The following MEIS2 variants were observed in gnomAD, a reference collection of about 807,000 sequenced individuals.
MEIS2 encodes the protein Meis homeobox 2, also known as homeobox protein Meis2.
MEIS2 carries 9 observed loss-of-function variants against 58.6 expected under a neutral mutation model. The ratio of observed to expected loss-of-function variants is 0.15; its 90% CI spans 0.09 to 0.27. The LOEUF is 0.27. MEIS2 is among the 10% of genes least tolerant of loss of function. The pLI is 1.00. For synonymous variants in MEIS2, 221 were observed against 228.4 expected, an observed-to-expected ratio of 0.97 and a Z score of 0.29; for missense variants, 427 against 635.0, an observed-to-expected ratio of 0.67 and a Z score of 3.52.
At chr15:36,945,792 A>G (rs2058543962) in intron 9 of MEIS2, among the ~76,000 whole-genome samples, 1 of 152,018 alleles carries the variant, frequency 6.6e-6, no homozygotes, top group African/African-American at 2.4e-5. Flanking sequence ...GCCATTATAC[A>G]AAGGAACTCT....
intron 8 of MEIS2, among the ~76,000 whole-genome samples, chr15:37,028,213 C>A (rs1323010998): frequency 6.6e-6 from 1 of 152,174 alleles, no homozygotes. Flanking sequence ...TTTGAAATAT[C>A]TTGAAACGTC....
Position 36,969,763 on chromosome 15 carries a change from C to T in MEIS2, c.901-19363G>A, listed in dbSNP as rs990213822. On this transcript the variant is annotated intron_variant, in intron 8 of 11. Transcript: ENST00000561208. Reference sequence around the variant, plus strand: ...AAATTAGTATGTTTGCATTCTCAGTCAAGAAGACTCATGTCTGCTCCTTGT... The same window carrying T: ...AAATTAGTATGTTTGCATTCTCAGTTAAGAAGACTCATGTCTGCTCCTTGT... 2.0e-5 allele frequency among the ~76,000 whole-genome samples: 3 copies of T among 152,308 alleles called. No individual in the cohort carries two copies. The East Asian group carries it at 5.8e-4, about 29-fold the overall frequency.
chr15:36,954,098 TGA>T (rs2058862366), intron 8 of MEIS2, among the ~76,000 whole-genome samples: 2 of 152,094 alleles, frequency 1.3e-5, no homozygotes, highest in African/African-American at 4.8e-5. Context: ...GTACAATGAA[TGA>T]AAAAGCTAGT....
At chr15:37,006,489 T>C (rs1159604415) in intron 8 of MEIS2, among the ~76,000 whole-genome samples, 1 of 152,254 alleles carries the variant, frequency 6.6e-6, no homozygotes, top group African/African-American at 2.4e-5. Flanking sequence ...ATCCATGGTC[T>C]ATAAACTATA....
chr15:37,056,516 C>T (rs544080762), intron 7 of MEIS2, among the ~76,000 whole-genome samples: 1 of 152,238 alleles, frequency 6.6e-6, no homozygotes, highest in East Asian at 1.9e-4. Flanking sequence ...AACAAGTCAG[C>T]CACCAGGACG....
intron 8 of MEIS2, among the ~76,000 whole-genome samples, chr15:36,980,264 A>G (rs746856754): frequency 6.6e-6 from 1 of 152,158 alleles, no homozygotes; most frequent in African/African-American, 2.4e-5. Context: ...ATAGTTATAT[A>G]TATCTGTGTT....
intron 9 of MEIS2, among the ~76,000 whole-genome samples, chr15:36,939,253 C>T (rs993663719): frequency 2.6e-5 from 4 of 152,130 alleles, no homozygotes; most frequent in Admixed American, 6.5e-5. Flanking sequence ...TTCAACCCAA[C>T]GAAAAGTTAT....
chr15:37,056,462 A>C (rs557681611), intron 7 of MEIS2, among the ~76,000 whole-genome samples: 1 of 152,336 alleles, frequency 6.6e-6, no homozygotes, highest in East Asian at 1.9e-4. Context: ...CAGAAAGAAA[A>C]GATTAAATTG....
intron 8 of MEIS2, among the ~76,000 whole-genome samples, chr15:37,012,559 A>G (rs1380941027): frequency 6.6e-6 from 1 of 152,174 alleles, no homozygotes. Context: ...CCTATTTTGC[A>G]TAGGTTCTAC....
chr15:37,048,475 C>T (rs1007273338), intron 7 of MEIS2, among the ~76,000 whole-genome samples: 1 of 151,962 alleles, frequency 6.6e-6, no homozygotes, highest in Non-Finnish European at 1.5e-5. Flanking sequence ...TAAGACAATA[C>T]ATTTTTATAA....
At chr15:37,090,726 G>T (rs979471490) in intron 6 of MEIS2, among the ~76,000 whole-genome samples, 2 of 152,072 alleles carry the variant, frequency 1.3e-5, no homozygotes, top group African/African-American at 2.4e-5. Context: ...AAGAGTAGAG[G>T]TGTATGTGTT....
chr15:36,949,292 A>T (rs2058675988), intron 9 of MEIS2, among the ~76,000 whole-genome samples: 1 of 152,020 alleles, frequency 6.6e-6, no homozygotes. Flanking sequence ...TGAGAAAAAA[A>T]TGAATCACAG....
intron 6 of MEIS2, among the ~76,000 whole-genome samples, chr15:37,084,859 G>T (rs1024205380): frequency 6.6e-6 from 1 of 152,126 alleles, no homozygotes; most frequent in South Asian, 2.1e-4. Context: ...TGGCAGAAAC[G>T]GAGAGGAGGA....
At chr15:36,966,463 C>T (rs571374497) in intron 8 of MEIS2, among the ~76,000 whole-genome samples, 28 of 152,228 alleles carry the variant, frequency 1.8e-4, no homozygotes, top group South Asian at 6.2e-4. Context: ...TGGAATCAGA[C>T]GGTCCTGGCT....
intron 9 of MEIS2, among the ~76,000 whole-genome samples, chr15:36,944,013 C>A (rs1054992184): frequency 1.2e-4 from 18 of 152,054 alleles, no homozygotes; most frequent in African/African-American, 4.3e-4. Flanking sequence ...GGTCTGACAC[C>A]GCAATGGATT....
chr15:37,042,846 T>C lies in MEIS2; in HGVS notation c.755-5887A>G, dbSNP rs187568276. On this transcript the variant is annotated intron_variant, in intron 7 of 11. Transcript: ENST00000561208. Reference sequence around the variant, plus strand: ...CACAGTCCAAGTGAAGACTCTGACATGGAGAGCACCGGACTGACCCTCAGA... The same window carrying C: ...CACAGTCCAAGTGAAGACTCTGACACGGAGAGCACCGGACTGACCCTCAGA... Among the ~76,000 whole-genome samples the C allele has an allele frequency of 5.5e-4, 83 of 152,256 alleles. 1 individual carries two copies. Among genetic ancestry groups the C allele is most frequent in the African/African-American group, 1.8e-3 (74 of 41,566 alleles).
intron 7 of MEIS2, among the ~76,000 whole-genome samples, chr15:37,037,530 C>T (rs1595982715): frequency 2.7e-5 from 4 of 148,584 alleles, no homozygotes; most frequent in Non-Finnish European, 6.0e-5. Context: ...CACCACTGAT[C>T]ATTATCATGA....
chr15:36,924,267 C>T (rs913993487), intron 9 of MEIS2, among the ~76,000 whole-genome samples: 1 of 152,160 alleles, frequency 6.6e-6, no homozygotes, highest in African/African-American at 2.4e-5. Context: ...TACCACAGAG[C>T]CAGCCAGTGA....
chr15:37,090,840 C>A (rs961742066), intron 6 of MEIS2, among the ~76,000 whole-genome samples: 14 of 152,056 alleles, frequency 9.2e-5, no homozygotes, highest in African/African-American at 3.4e-4. Flanking sequence ...TTATTCATAG[C>A]CAATAAGTTG....
Sources: allele counts gnomAD v4.1 joint callset (sites outside exome capture counted in the v4.1 genomes callset), GRCh38; gene constraint gnomAD v4.1.1; transcripts MANE v1.5; gene names NCBI Gene and HGNC (gene_info 2026-07-23, HGNC 2026-07-21).